Variants in ARHGAP15 observed in about 807,000 individuals in gnomAD.
ARHGAP15 encodes the protein Rho GTPase activating protein 15.
ARHGAP15 carries 51 observed loss-of-function variants against 63.7 expected under a neutral mutation model. The ratio of observed to expected loss-of-function variants is 0.80; its 90% CI spans 0.64 to 1.01. The LOEUF (loss-of-function observed/expected upper bound fraction) is 1.01. ARHGAP15 is among the 50% of genes least tolerant of loss of function. The pLI is 0.00. For synonymous variants in ARHGAP15, 191 were observed against 193.8 expected, an observed-to-expected ratio of 0.99 and a Z score of 0.12; for missense variants, 560 against 564.6, an observed-to-expected ratio of 0.99 and a Z score of 0.08.
At chr2:143,668,961 C>A (rs927435505) in intron 12 of ARHGAP15, among the ~76,000 whole-genome samples, 1 of 152,174 alleles carries the variant, frequency 6.6e-6, no homozygotes, top group Non-Finnish European at 1.5e-5. Flanking sequence ...ATAGTCTTCT[C>A]TCTATAAAAG....
intron 6 of ARHGAP15, among the ~76,000 whole-genome samples, chr2:143,280,986 A>G (rs1681816803): frequency 6.6e-6 from 1 of 152,152 alleles, no homozygotes; most frequent in Non-Finnish European, 1.5e-5. Context: ...TAGTACAGCT[A>G]ATTAGCAGTA....
intron 2 of ARHGAP15, among the ~76,000 whole-genome samples, chr2:143,164,483 A>G (rs1162666090): frequency 6.6e-6 from 1 of 151,988 alleles, no homozygotes; most frequent in African/African-American, 2.4e-5. Flanking sequence ...TTCACTTCCA[A>G]TGCACTGACA....
chr2:143,535,374 A>C (rs1012786943), intron 10 of ARHGAP15, among the ~76,000 whole-genome samples: 2 of 152,132 alleles, frequency 1.3e-5, no homozygotes, highest in African/African-American at 4.8e-5. Context: ...TGCTCCCAGT[A>C]AAGGATTTAA....
intron 6 of ARHGAP15, among the ~76,000 whole-genome samples, chr2:143,424,387 T>TA (rs988431593): frequency 5.3e-5 from 8 of 151,872 alleles, no homozygotes; most frequent in South Asian, 2.1e-4. Context: ...TAATTTTTTT[T>TA]AAAAAAATGA....
chr2:143,530,084 T>A (rs1165927367), intron 10 of ARHGAP15, among the ~76,000 whole-genome samples: 1 of 152,164 alleles, frequency 6.6e-6, no homozygotes, highest in Non-Finnish European at 1.5e-5. Flanking sequence ...TCCATGCCTC[T>A]ATCCTTAGAG....
chr2:143,489,725 GGTTA>G (rs1239626452), intron 9 of ARHGAP15, among the ~76,000 whole-genome samples: 1 of 152,094 alleles, frequency 6.6e-6, no homozygotes, highest in Admixed American at 6.6e-5. Flanking sequence ...ATGGTTAAAT[GGTTA>G]GTTTTTGCAA....
At chr2:143,407,326 G>A (rs563654717) in intron 6 of ARHGAP15, among the ~76,000 whole-genome samples, 1 of 151,758 alleles carries the variant, frequency 6.6e-6, no homozygotes, top group South Asian at 2.1e-4. Context: ...TTAAGATGAA[G>A]TGTTTAATAT....
intron 6 of ARHGAP15, among the ~76,000 whole-genome samples, chr2:143,293,991 TC>T (rs1682522222): frequency 6.6e-6 from 1 of 152,072 alleles, no homozygotes; most frequent in Non-Finnish European, 1.5e-5. Context: ...GAAATGTAAC[TC>T]AATGGTAAAT....
chr2:143,246,731 A>G (rs1466400555), intron 5 of ARHGAP15, among the ~76,000 whole-genome samples: 1 of 152,052 alleles, frequency 6.6e-6, no homozygotes, highest in Non-Finnish European at 1.5e-5. Context: ...AAAGGAAGTG[A>G]AGCCAGGAAG....
chr2:143,465,407 G>A (rs568495809), intron 8 of ARHGAP15, among the ~76,000 whole-genome samples: 5 of 152,214 alleles, frequency 3.3e-5, no homozygotes, highest in African/African-American at 7.2e-5. Flanking sequence ...GAATTGGACC[G>A]TCCTTAAATC....
chr2:143,579,072 G>A (rs562376637), intron 11 of ARHGAP15, among the ~76,000 whole-genome samples: 4 of 152,176 alleles, frequency 2.6e-5, no homozygotes, highest in African/African-American at 9.6e-5. Context: ...TGTTTGATCA[G>A]AAATACTCAA....
intron 6 of ARHGAP15, among the ~76,000 whole-genome samples, chr2:143,403,129 A>C (rs1460171993): frequency 6.6e-6 from 1 of 151,936 alleles, no homozygotes; most frequent in Non-Finnish European, 1.5e-5. Context: ...CTGAAATATT[A>C]TATATTCTAA....
At chr2:143,186,668 A>T (rs748310851) in intron 2 of ARHGAP15, among the ~76,000 whole-genome samples, 7 of 152,164 alleles carry the variant, frequency 4.6e-5, no homozygotes, top group Non-Finnish European at 7.4e-5. Context: ...ACCACAGAGG[A>T]TTCTGTGCTA....
At chr2:143,264,277 C>T (rs1378969959) in intron 6 of ARHGAP15, among the ~76,000 whole-genome samples, 1 of 151,970 alleles carries the variant, frequency 6.6e-6, no homozygotes, top group Non-Finnish European at 1.5e-5. Context: ...TTAGATATTC[C>T]TTCTCTATTC....
At chr2:143,564,937 A>T (rs1283309328) in intron 11 of ARHGAP15, among the ~76,000 whole-genome samples, 1 of 152,232 alleles carries the variant, frequency 6.6e-6, no homozygotes, top group Non-Finnish European at 1.5e-5. Flanking sequence ...ATACATTTAT[A>T]TCATTGCTGA....
At chr2:143,727,015 A>T (rs888495745) in intron 13 of ARHGAP15, among the ~76,000 whole-genome samples, 5 of 152,204 alleles carry the variant, frequency 3.3e-5, no homozygotes, top group African/African-American at 1.2e-4. Context: ...GCTAAGTCTC[A>T]GTTACCCCCT....
intron 9 of ARHGAP15, among the ~76,000 whole-genome samples, chr2:143,499,554 G>A (rs1274090467): frequency 6.6e-6 from 1 of 152,234 alleles, no homozygotes; most frequent in South Asian, 2.1e-4. Context: ...GGAATATTCA[G>A]GAGCCTAGAG....
chr2:143,326,640 A>G (rs1443355129), intron 6 of ARHGAP15, among the ~76,000 whole-genome samples: 1 of 152,106 alleles, frequency 6.6e-6, no homozygotes, highest in Admixed American at 6.6e-5. Flanking sequence ...TTAATTACAC[A>G]CTATTTTCCA....
chr2:143,748,271 G>C (rs563144120), intron 13 of ARHGAP15, among the ~76,000 whole-genome samples: 9 of 152,132 alleles, frequency 5.9e-5, no homozygotes, highest in African/African-American at 1.9e-4. Flanking sequence ...GCAATTTTAT[G>C]ATCTTTTCAA....
Sources: gnomAD v4.1 joint callset for allele counts (sites outside exome capture counted in the v4.1 genomes callset) on GRCh38, gnomAD v4.1.1 for gene constraint, MANE v1.5 for transcripts, NCBI Gene and HGNC (gene_info 2026-07-23, HGNC 2026-07-21) for gene names.